SLC36A1: variants seen among roughly 807,000 people sequenced by gnomAD.
SLC36A1 encodes the protein proton-coupled amino acid transporter 1.
Under a neutral mutation model 47.5 loss-of-function variants are expected in SLC36A1, and 30 were observed. The ratio of observed to expected loss-of-function variants is 0.63; its 90% CI spans 0.47 to 0.86. The LOEUF (loss-of-function observed/expected upper bound fraction) is 0.86, where lower values mean the gene tolerates loss of function less well. Among genes scored for constraint, SLC36A1 ranks in the 40% least tolerant of loss-of-function variants. The pLI, the probability that SLC36A1 is intolerant of heterozygous loss-of-function variation, is 0.00. For synonymous variants in SLC36A1, 255 were observed against 249.7 expected (o/e 1.02, Z -0.20); for missense variants, 517 against 606.0 (o/e 0.85, Z 1.54).
the SLC36A1 span, chr5:151,506,090 A>G: frequency 6.6e-7 from 1 of 1,516,128 alleles, no homozygotes; most frequent in Non-Finnish European, 8.8e-7. Flanking sequence ...TGGCTCCGCC[A>G]GGGTACACTG....
At chr5:151,434,203 A>T (rs1759635277), upstream of SLC36A1, among the ~76,000 whole-genome samples, 1 of 152,240 alleles carries the variant, frequency 6.6e-6, no homozygotes. Flanking sequence ...ATAGCACAAG[A>T]ACTTTGCAAA....
chr5:151,407,605 C>T, the SLC36A1 span, among the ~76,000 whole-genome samples: 1 of 151,980 alleles, frequency 6.6e-6, no homozygotes, highest in Admixed American at 6.5e-5. Flanking sequence ...TTCTCCAAGT[C>T]CCCACCCGAC....
chr5:151,552,540 C>A, the SLC36A1 span, among the ~76,000 whole-genome samples: 1 of 152,166 alleles, frequency 6.6e-6, no homozygotes, highest in South Asian at 2.1e-4. Context: ...AGGGCCTATA[C>A]ATCCTCTAAA....
chr5:151,553,158 G>A, the SLC36A1 span: 3 of 1,612,982 alleles, frequency 1.9e-6, no homozygotes, highest in Non-Finnish European at 2.5e-6. Context: ...CCCTTGTTGG[G>A]CCCTAGGCCT....
At chr5:151,358,260 CT>C in the SLC36A1 span, among the ~76,000 whole-genome samples, 2,332 of 151,006 alleles carry the variant, frequency 0.015, 47 homozygotes, top group African/African-American at 0.054. Context: ...TTTAGTTTAA[CT>C]TTTTTTCTTT....
At chr5:151,418,198 G>A in the SLC36A1 span, among the ~76,000 whole-genome samples, 114 of 152,370 alleles carry the variant, frequency 7.5e-4, 1 homozygote, top group Non-Finnish European at 1.5e-3. Flanking sequence ...CCCTCATGGA[G>A]AACCTCTGCT....
At chr5:151,352,953 C>T in the SLC36A1 span, among the ~76,000 whole-genome samples, 2 of 152,218 alleles carry the variant, frequency 1.3e-5, no homozygotes, top group African/African-American at 4.8e-5. Context: ...ATGCAGCATT[C>T]CTTACTTCAG....
chr5:151,479,367 C>T lies in SLC36A1; in HGVS notation c.1037C>T (p.Thr346Ile). 6.2e-7 allele frequency: 1 copy of T among 1,614,194 alleles called. No individual in the cohort carries two copies. The change falls in exon 10 of 11, where the codon ACC (threonine) becomes ATC (isoleucine). Residue 346 changes from threonine to isoleucine, a missense_variant. By Grantham distance (89) the Thr-to-Ile change is moderately conservative. Coordinates refer to ENST00000243389, the MANE Select transcript of SLC36A1 (RefSeq NM_078483.4). ...CTGTACTCCATCGGGATCTTTTTCA[C>T]CTACGCACTCCAGTTCTACGTCCCG... ...KLLYSIGIFF[T>I]YALQFYVPAE...
At chr5:151,396,764 C>T in the SLC36A1 span, among the ~76,000 whole-genome samples, 2 of 152,128 alleles carry the variant, frequency 1.3e-5, no homozygotes, top group African/African-American at 4.8e-5. Context: ...AAGGTCTGCA[C>T]TTGGATTTAT....
the SLC36A1 span, chr5:151,380,644 A>G: frequency 1.8e-5 from 10 of 553,190 alleles, no homozygotes; most frequent in Middle Eastern, 6.5e-4. Context: ...AGTGGCTCAC[A>G]TCGTCAACCC....
At chr5:151,512,432 C>T in the SLC36A1 span, 2 of 1,614,264 alleles carry the variant, frequency 1.2e-6, no homozygotes, top group Non-Finnish European at 1.7e-6. The surrounding 1 kb of genome is among the most constrained non-coding windows in gnomAD (Gnocchi z 4.1). Context: ...CGGCAGTTCT[C>T]TGGGACCACA....
At chr5:151,506,587 T>A in the SLC36A1 span, among the ~76,000 whole-genome samples, 1,955 of 152,308 alleles carry the variant, frequency 0.013, 43 homozygotes, top group African/African-American at 0.044. Flanking sequence ...AATAGTTGGG[T>A]TAGTTAGAAC....
intron 7 of SLC36A1, among the ~76,000 whole-genome samples, chr5:151,468,336 ATT>A (rs1219536293): frequency 1.2e-4 from 13 of 106,314 alleles, no homozygotes; most frequent in African/African-American, 4.7e-4. Flanking sequence ...ATGTTATTAT[ATT>A]TTATATATAT....
chr5:151,545,198 C>G, the SLC36A1 span: 2 of 1,614,210 alleles, frequency 1.2e-6, no homozygotes, highest in Non-Finnish European at 8.5e-7. Context: ...TTCTCCTTCA[C>G]AGCTGCCCAG....
chr5:151,542,793 C>G, the SLC36A1 span: 1 of 1,614,208 alleles, frequency 6.2e-7, no homozygotes, highest in East Asian at 2.2e-5. Context: ...AGACCAAGGA[C>G]ACCACATCAG....
the SLC36A1 span, chr5:151,546,078 A>G: frequency 1.9e-6 from 3 of 1,614,208 alleles, no homozygotes; most frequent in Non-Finnish European, 2.5e-6. Context: ...GGCTCATAGC[A>G]GAGACAAGGA....
chr5:151,473,871 C>T (rs971236995), intron 8 of SLC36A1, 100 bp downstream of exon 8: 2 of 965,258 alleles, frequency 2.1e-6, no homozygotes, highest in African/African-American at 1.6e-5. Context: ...TAGAAAGTAT[C>T]TTCTGAGGCC....
Position 151,473,718 on chromosome 5 carries a change from ACCTAC to A in SLC36A1, c.773_777del (p.Tyr258SerfsTer11). 6.2e-7 allele frequency: 1 copy of A among 1,613,978 alleles called. No individual in the cohort carries two copies. Among genetic ancestry groups the A allele is most frequent in the Non-Finnish European group, 8.5e-7 (1 of 1,179,936 alleles). On this transcript the variant is annotated frameshift_variant, in exon 8 of 11. Transcript: ENST00000243389. LOFTEE classifies it high-confidence loss of function. ...CCTCCCCTTGGTGGCCCCTTGGAAG[ACCTAC>A]CCTCTCTTCTTTGGCACAGCGATTT...
At chr5:151,539,700 CTACT>C in the SLC36A1 span, among the ~76,000 whole-genome samples, 1 of 152,164 alleles carries the variant, frequency 6.6e-6, no homozygotes, top group South Asian at 2.1e-4. Context: ...AAGTTAAAAA[CTACT>C]TACTGTGTTT....
Sources: allele counts gnomAD v4.1 joint callset (sites outside exome capture counted in the v4.1 genomes callset), GRCh38; gene constraint gnomAD v4.1.1; non-coding constraint Gnocchi (gnomAD v3.1); transcripts MANE v1.5; gene names NCBI Gene and HGNC (gene_info 2026-07-23, HGNC 2026-07-21).